GALNT13: variants seen among roughly 807,000 people sequenced by gnomAD.
GALNT13 encodes the protein UDP-GalNAc:polypeptide N-acetylgalactosaminyltransferase 13.
In GALNT13, 28 loss-of-function variants were observed where a neutral mutation model predicts 64.2. The ratio of observed to expected loss-of-function variants is 0.44; its 90% CI spans 0.32 to 0.60. The LOEUF (loss-of-function observed/expected upper bound fraction) is 0.60. GALNT13 is among the 20% of genes least tolerant of loss of function. The pLI is 0.05. For missense variants in GALNT13, 577 were observed against 669.8 expected, an observed-to-expected ratio of 0.86 and a Z score of 1.53; for synonymous variants, 214 against 224.6, an observed-to-expected ratio of 0.95 and a Z score of 0.42.
At chr2:153,630,791 ATATATATATATATATATTTTT>A in the GALNT13 span, among the ~76,000 whole-genome samples, 2 of 13,112 alleles carry the variant, frequency 1.5e-4, no homozygotes, top group African/African-American at 5.4e-4. Context: ...ATATATATAT[ATATATATATATATATATTTTT>A]TTTTTTTTTT....
chr2:153,879,461 T>G (rs2105232957), intron 1 of GALNT13, among the ~76,000 whole-genome samples: 1 of 152,144 alleles, frequency 6.6e-6, no homozygotes, highest in East Asian at 1.9e-4. Flanking sequence ...TAGTTCACTG[T>G]AGCCTTAAAC....
chr2:153,573,662 T>C, the GALNT13 span, among the ~76,000 whole-genome samples: 6 of 152,216 alleles, frequency 3.9e-5, no homozygotes, highest in South Asian at 1.2e-3. Flanking sequence ...TAACACATTA[T>C]TTTAACCTTG....
At chr2:154,424,640 G>T (rs1700394982) in intron 11 of GALNT13, among the ~76,000 whole-genome samples, 1 of 152,116 alleles carries the variant, frequency 6.6e-6, no homozygotes. Flanking sequence ...AAATATCTCA[G>T]CCCTGTCACT....
At chr2:154,000,975 G>A (rs1250698437) in intron 3 of GALNT13, among the ~76,000 whole-genome samples, 1 of 151,948 alleles carries the variant, frequency 6.6e-6, no homozygotes, top group Non-Finnish European at 1.5e-5. Flanking sequence ...GTGCTCTGGT[G>A]TAGGATGCAT....
chr2:154,200,719 C>T (rs939792728), intron 4 of GALNT13, among the ~76,000 whole-genome samples: 1 of 152,090 alleles, frequency 6.6e-6, no homozygotes, highest in Admixed American at 6.6e-5. Context: ...AAGGGAGGAG[C>T]CCTCATACCT....
the GALNT13 span, among the ~76,000 whole-genome samples, chr2:153,723,627 T>C: frequency 6.6e-6 from 1 of 152,044 alleles, no homozygotes; most frequent in Non-Finnish European, 1.5e-5. Context: ...AATATCAATG[T>C]ACAAAAATCA....
the GALNT13 span, among the ~76,000 whole-genome samples, chr2:153,804,183 T>G: frequency 6.6e-6 from 1 of 152,322 alleles, no homozygotes; most frequent in Admixed American, 6.5e-5. Flanking sequence ...TGTTGTTTCT[T>G]TTTGAGATAC....
chr2:153,671,576 G>A, the GALNT13 span, among the ~76,000 whole-genome samples: 11 of 152,200 alleles, frequency 7.2e-5, no homozygotes, highest in African/African-American at 9.6e-5. Flanking sequence ...AGGAACAACC[G>A]GTACTAGCCA....
At chr2:153,601,033 G>A in the GALNT13 span, among the ~76,000 whole-genome samples, 86 of 151,984 alleles carry the variant, frequency 5.7e-4, 4 homozygotes, top group South Asian at 0.018. Context: ...ATGACTGGAG[G>A]AATAGTGGTT....
At chr2:153,278,709 A>G in the GALNT13 span, among the ~76,000 whole-genome samples, 1 of 151,958 alleles carries the variant, frequency 6.6e-6, no homozygotes, top group African/African-American at 2.4e-5. Context: ...CCATGGGTCT[A>G]TGTGTCTCTT....
At chr2:153,677,284 T>TACACACACAC in the GALNT13 span, among the ~76,000 whole-genome samples, 321 of 144,756 alleles carry the variant, frequency 2.2e-3, 4 homozygotes, top group African/African-American at 7.6e-3. Context: ...ACAATAGACA[T>TACACACACAC]ACACACACAC....
At chr2:154,109,887 T>G (rs1702836613) in intron 3 of GALNT13, among the ~76,000 whole-genome samples, 1 of 152,114 alleles carries the variant, frequency 6.6e-6, no homozygotes. Context: ...ATGATTATTT[T>G]TGCATCTGTA....
intron 2 of GALNT13, among the ~76,000 whole-genome samples, chr2:153,919,822 G>A (rs1689630819): frequency 6.6e-6 from 1 of 151,334 alleles, no homozygotes; most frequent in African/African-American, 2.4e-5. Context: ...ATCTTTACCA[G>A]AATTCTATAA....
chr2:153,573,178 T>A, the GALNT13 span, among the ~76,000 whole-genome samples: 1 of 152,080 alleles, frequency 6.6e-6, no homozygotes. Context: ...AATTGACCCC[T>A]TTATCATTAT....
At chr2:153,315,926 A>G in the GALNT13 span, among the ~76,000 whole-genome samples, 1 of 151,492 alleles carries the variant, frequency 6.6e-6, no homozygotes, top group African/African-American at 2.4e-5. Context: ...CTGTATCTAG[A>G]CAATATAATA....
At chr2:154,051,664 TACTTC>T (rs1398792035) in intron 3 of GALNT13, among the ~76,000 whole-genome samples, 4 of 152,254 alleles carry the variant, frequency 2.6e-5, no homozygotes, top group Admixed American at 2.0e-4. Flanking sequence ...TTAAATAATC[TACTTC>T]ATTTAGATTT....
chr2:154,172,500 G>A lies in GALNT13; in HGVS notation c.311+31995G>A, dbSNP rs943254101. ...CACCAATCTTTTCTGTCTTCATGAC[G>A]TCCATACTTTTAGCTCCTACTCATG... On this transcript the variant is annotated intron_variant, in intron 4 of 12. Coordinates refer to ENST00000392825, the MANE Select transcript of GALNT13 (RefSeq NM_052917.4). Among the ~76,000 whole-genome samples the A allele has an allele frequency of 6.6e-5, 10 of 151,678 alleles. 1 individual carries two copies. Among genetic ancestry groups the A allele is most frequent in the East Asian group, 3.9e-4 (2 of 5,152 alleles).
chr2:154,450,080 T>C (rs1701807072), intron 12 of GALNT13, among the ~76,000 whole-genome samples: 1 of 152,026 alleles, frequency 6.6e-6, no homozygotes, highest in Admixed American at 6.6e-5. Flanking sequence ...TTGCAAAAGC[T>C]TGTTAATATT....
chr2:153,373,163 C>T, the GALNT13 span, among the ~76,000 whole-genome samples: 11 of 106,704 alleles, frequency 1.0e-4, no homozygotes, highest in Non-Finnish European at 1.9e-4. Context: ...TGTGTGTGCA[C>T]GTGTGTTCAT....
Sources: allele counts gnomAD v4.1 joint callset (sites outside exome capture counted in the v4.1 genomes callset), GRCh38; gene constraint gnomAD v4.1.1; transcripts MANE v1.5; gene names NCBI Gene and HGNC (gene_info 2026-07-23, HGNC 2026-07-21).